STPG2: variants seen among roughly 807,000 people sequenced by gnomAD.
The protein encoded by STPG2 is sperm-tail PG-rich repeat-containing protein 2.
A neutral mutation model predicts 54.2 loss-of-function variants in STPG2; 56 were observed. The ratio of observed to expected loss-of-function variants is 1.03; its 90% CI spans 0.83 to 1.29. The LOEUF (loss-of-function observed/expected upper bound fraction) is 1.29. Ranked by LOEUF, STPG2 falls within the 50% of genes most tolerant of loss-of-function variation. STPG2 has a pLI of 0.00. For missense variants in STPG2, 596 were observed against 544.9 expected (o/e 1.09, Z -0.93); for synonymous variants, 200 against 181.8 (o/e 1.10, Z -0.81).
At chr4:97,958,084 C>A (rs1237000379) in intron 7 of STPG2, among the ~76,000 whole-genome samples, 1 of 151,974 alleles carries the variant, frequency 6.6e-6, no homozygotes, top group Non-Finnish European at 1.5e-5. Flanking sequence ...AGAGGGGGGA[C>A]AGATCACTTG....
chr4:97,481,307 G>A (rs1730215698), intron 4 of STPG2, among the ~76,000 whole-genome samples: 2 of 151,358 alleles, frequency 1.3e-5, no homozygotes, highest in South Asian at 4.1e-4. Context: ...TTGAAATTAA[G>A]TCCTAAATCT....
intron 10 of STPG2, among the ~76,000 whole-genome samples, chr4:97,561,700 C>A (rs991078387): frequency 2.6e-5 from 4 of 152,196 alleles, no homozygotes; most frequent in Non-Finnish European, 5.9e-5. Flanking sequence ...AATAGGGAAT[C>A]CTTTCCCCAT....
chr4:97,679,246 T>C (rs1225748470), intron 10 of STPG2, among the ~76,000 whole-genome samples: 1 of 152,208 alleles, frequency 6.6e-6, no homozygotes, highest in African/African-American at 2.4e-5. Context: ...CCACCAACAG[T>C]GTAAAAGTAT....
chr4:97,653,778 A>G (rs935668495), intron 10 of STPG2, among the ~76,000 whole-genome samples: 3 of 152,168 alleles, frequency 2.0e-5, no homozygotes, highest in African/African-American at 7.2e-5. Flanking sequence ...CTAAGAAAAG[A>G]ATTCACATGT....
intron 4 of STPG2, among the ~76,000 whole-genome samples, chr4:97,506,754 C>A (rs918231414): frequency 6.6e-6 from 1 of 151,466 alleles, no homozygotes; most frequent in Non-Finnish European, 1.5e-5. Flanking sequence ...ATCTGTAAAT[C>A]ACTAACAAAG....
chr4:97,540,775 C>T (rs542136717), intron 4 of STPG2, among the ~76,000 whole-genome samples: 79 of 152,124 alleles, frequency 5.2e-4, no homozygotes, highest in African/African-American at 1.6e-3. Flanking sequence ...TCCACCATGA[C>T]AAAGTGGGCT....
At chr4:97,447,113 G>A (rs762122137) in intron 4 of STPG2, among the ~76,000 whole-genome samples, 23 of 152,318 alleles carry the variant, frequency 1.5e-4, no homozygotes, top group African/African-American at 5.1e-4. Flanking sequence ...ATATGGAGAC[G>A]AGGAACTCAT....
At chr4:97,525,614 T>A (rs1363208219) in intron 4 of STPG2, among the ~76,000 whole-genome samples, 3 of 151,956 alleles carry the variant, frequency 2.0e-5, no homozygotes, top group African/African-American at 7.2e-5. Context: ...TTCATACTGC[T>A]CAGGAGCCAA....
At chr4:97,682,917 G>A (rs1723076368) in intron 10 of STPG2, among the ~76,000 whole-genome samples, 1 of 151,884 alleles carries the variant, frequency 6.6e-6, no homozygotes, top group South Asian at 2.1e-4. Flanking sequence ...ACAGTAGTAG[G>A]ACCATGGGAA....
intron 8 of STPG2, among the ~76,000 whole-genome samples, chr4:97,930,820 T>A (rs1003082275): frequency 1.3e-5 from 2 of 152,184 alleles, no homozygotes; most frequent in Non-Finnish European, 2.9e-5. Flanking sequence ...GCGTGGTATG[T>A]TTTTCTATTT....
intron 4 of STPG2, among the ~76,000 whole-genome samples, chr4:97,468,364 C>A (rs1379625038): frequency 6.6e-6 from 1 of 151,922 alleles, no homozygotes; most frequent in Admixed American, 6.6e-5. Context: ...ACATTCTTTT[C>A]TTTTCTGATT....
intron 9 of STPG2, among the ~76,000 whole-genome samples, chr4:97,816,097 T>C (rs1471580119): frequency 6.6e-6 from 1 of 152,114 alleles, no homozygotes; most frequent in African/African-American, 2.4e-5. Flanking sequence ...GTTCTCATTG[T>C]TCAACTCCCA....
chr4:97,728,595 A>C (rs557841754), intron 9 of STPG2, among the ~76,000 whole-genome samples: 9 of 152,054 alleles, frequency 5.9e-5, no homozygotes, highest in African/African-American at 1.9e-4. Flanking sequence ...TTAGGATCCA[A>C]CCTTGGTGAA....
At chr4:97,877,525 C>T (rs1005284530) in intron 8 of STPG2, among the ~76,000 whole-genome samples, 1 of 152,162 alleles carries the variant, frequency 6.6e-6, no homozygotes, top group African/African-American at 2.4e-5. Flanking sequence ...GCATGTCTTA[C>T]ATGGTGGCAG....
intron 10 of STPG2, among the ~76,000 whole-genome samples, chr4:97,570,772 C>T (rs1732579343): frequency 6.6e-6 from 1 of 152,098 alleles, no homozygotes; most frequent in African/African-American, 2.4e-5. Flanking sequence ...TGATTTCTCA[C>T]TTCTCTAAAA....
At chr4:97,584,691 G>A (rs1389532984) in intron 10 of STPG2, among the ~76,000 whole-genome samples, 1 of 151,768 alleles carries the variant, frequency 6.6e-6, no homozygotes, top group Admixed American at 6.6e-5. Context: ...TGAAACAGGA[G>A]ATATTACACC....
chr4:97,669,515 G>GTTTCAGCATGAAGTCATTATAAT (rs1578467154), intron 10 of STPG2, among the ~76,000 whole-genome samples: 1 of 29,560 alleles, frequency 3.4e-5, no homozygotes, highest in African/African-American at 2.0e-4. Flanking sequence ...AGTTTATTGC[G>GTTTCAGCATGAAGTCATTATAAT]GCCGGGCGCG....
chr4:97,747,710 A>G (rs1207020933), intron 9 of STPG2, among the ~76,000 whole-genome samples: 1 of 151,308 alleles, frequency 6.6e-6, no homozygotes, highest in African/African-American at 2.4e-5. Flanking sequence ...TTCTACTTTT[A>G]CTTCAAGACA....
chr4:97,461,034 T>A (rs988268257), intron 4 of STPG2, among the ~76,000 whole-genome samples: 2 of 152,220 alleles, frequency 1.3e-5, no homozygotes, highest in African/African-American at 4.8e-5. Context: ...ATTTCTGGGT[T>A]GTTTCCAATT....
Sources: gnomAD v4.1 joint callset for allele counts (sites outside exome capture counted in the v4.1 genomes callset) on GRCh38, gnomAD v4.1.1 for gene constraint, MANE v1.5 for transcripts, NCBI Gene and HGNC (gene_info 2026-07-23, HGNC 2026-07-21) for gene names.